The following ACSS3 variants were observed in gnomAD, a reference collection of about 807,000 sequenced individuals.
ACSS3 encodes acyl-CoA synthetase short-chain family member 3, mitochondrial.
Under a neutral mutation model 84.2 loss-of-function variants are expected in ACSS3, and 64 were observed. The observed-to-expected ratio is 0.76, with a 90% CI of 0.62 to 0.94. ACSS3 has a LOEUF of 0.94. Ranked by LOEUF, ACSS3 falls within the 40% of genes least tolerant of loss-of-function variation. The probability of loss-of-function intolerance (pLI) is 0.00; values close to 1 mark genes in which losing one functional copy is unlikely to be tolerated. For synonymous variants in ACSS3, 317 were observed against 310.1 expected, an observed-to-expected ratio of 1.02 and a Z score of -0.23; for missense variants, 815 against 867.6, an observed-to-expected ratio of 0.94 and a Z score of 0.76.
intron 1 of ACSS3, among the ~76,000 whole-genome samples, chr12:81,088,801 A>G (rs1036394783): frequency 6.6e-6 from 1 of 151,962 alleles, no homozygotes; most frequent in African/African-American, 2.4e-5. Flanking sequence ...CTCCTCTGAA[A>G]CCGTTTAAAG....
chr12:81,167,723 T>C (rs1453148534), intron 7 of ACSS3, among the ~76,000 whole-genome samples: 4 of 152,180 alleles, frequency 2.6e-5, no homozygotes, highest in African/African-American at 9.6e-5. Flanking sequence ...TCCAACACTG[T>C]TGCACTGGGG....
chr12:81,179,999 G>A lies in ACSS3; in HGVS notation c.1250+5060G>A, dbSNP rs138244428. Reference sequence around the variant, plus strand: ...TGATCAAGCTAAATGCCCATCAGTGGTGGACTGGATAAAGAACATTTGGTA... The same window carrying A: ...TGATCAAGCTAAATGCCCATCAGTGATGGACTGGATAAAGAACATTTGGTA... On this transcript the variant is annotated intron_variant, in intron 8 of 15. Coordinates refer to ENST00000548058, the MANE Select transcript of ACSS3 (RefSeq NM_024560.4). Among the ~76,000 whole-genome samples the A allele has an allele frequency of 5.1e-3, 774 of 152,268 alleles. 10 individuals carry two copies. Among genetic ancestry groups the A allele is most frequent in the African/African-American group, 0.015 (608 of 41,548 alleles).
chr12:81,227,424 A>C (rs939482859), intron 11 of ACSS3, among the ~76,000 whole-genome samples: 2 of 124,490 alleles, frequency 1.6e-5, no homozygotes, highest in African/African-American at 3.0e-5. Flanking sequence ...CACACACACA[A>C]GTGTTGATTA....
rs1388733288 is a variant in ACSS3 at position 81,199,827 on chromosome 12, G to C, written c.1354+383G>C. The C allele has an allele frequency of 1.4e-5, 7 of 487,762 alleles. No individual in the cohort carries two copies. In the East Asian group the frequency reaches 2.1e-4, roughly 14 times the overall value. The allele number at this position is 487,762 out of a possible 1,614,324, so 30.2% of individuals were successfully genotyped here. A position where few individuals can be genotyped will look rare whatever the true frequency, so the allele number is the denominator to read the frequency against. ...GCATTATCCTCTGTCCTGATTTAAAGTTTCCTAATCACTCATCTCTATTCT... is the reference window on the plus strand; with the variant it reads ...GCATTATCCTCTGTCCTGATTTAAACTTTCCTAATCACTCATCTCTATTCT... On this transcript the variant is annotated intron_variant, in intron 9 of 15. Transcript: ENST00000548058.
intron 13 of ACSS3, among the ~76,000 whole-genome samples, chr12:81,246,394 C>T (rs1057129959): frequency 2.0e-5 from 3 of 152,172 alleles, no homozygotes; most frequent in Admixed American, 6.5e-5. Flanking sequence ...TGACCAGACA[C>T]AGCAGGCTCT....
chr12:81,220,014 TATG>T lies in ACSS3; in HGVS notation c.1455_1457del (p.Met485del). The T allele has an allele frequency of 6.5e-7, 1 of 1,527,944 alleles. No homozygotes were observed. Among genetic ancestry groups the T allele is most frequent in the Non-Finnish European group, 8.8e-7 (1 of 1,135,756 alleles). The allele number at this position is 1,527,944 out of a possible 1,614,324, so 94.6% of individuals were successfully genotyped here. On this transcript the variant is annotated inframe_deletion and splice_region_variant, in exon 11 of 16. Coordinates refer to ENST00000548058, the MANE Select transcript of ACSS3 (RefSeq NM_024560.4). ...AAATATTTATATTTTACTTTGTAGT[TATG>T]ATTTTGGATGACAACATGCAAAAAC...
chr12:81,110,329 C>T (rs1404208484), intron 2 of ACSS3, among the ~76,000 whole-genome samples: 1 of 152,104 alleles, frequency 6.6e-6, no homozygotes, highest in Admixed American at 6.6e-5. Flanking sequence ...GCCTTTGTAG[C>T]TCTTTGAACA....
At chr12:81,151,957 A>G (rs755844009) in intron 6 of ACSS3, 33 bp downstream of exon 6, 27 of 1,612,786 alleles carry the variant, frequency 1.7e-5, no homozygotes, top group Non-Finnish European at 2.1e-5. Context: ...ATTACATGAC[A>G]TTCTCTGAAT....
intron 1 of ACSS3, among the ~76,000 whole-genome samples, chr12:81,106,949 T>C (rs1338899036): frequency 6.6e-6 from 1 of 151,894 alleles, no homozygotes; most frequent in Admixed American, 6.6e-5. Context: ...TTCCTTGAAA[T>C]TTAGAAAACA....
In ACSS3 at chr12:81,158,698, C is replaced by A. The variant is rs1887004013; in HGVS notation, c.1098+6602C>A. Reference sequence around the variant, plus strand: ...CTTATGCTCATTCCTGTCCCAGGAACATTGCCTGAAATATATGCTACTTGT... The same window carrying A: ...CTTATGCTCATTCCTGTCCCAGGAAAATTGCCTGAAATATATGCTACTTGT... On this transcript the variant is annotated intron_variant, in intron 7 of 15. Transcript: ENST00000548058. 1.3e-5 allele frequency among the ~76,000 whole-genome samples: 2 copies of A among 152,142 alleles called. 1 individual carries two copies. The highest frequency in any genetic ancestry group is 4.1e-4 in the South Asian group (2 of 4,826).
At chr12:81,213,821 CTCTTCTCTTCTCTT>C (rs1271723066) in intron 9 of ACSS3, among the ~76,000 whole-genome samples, 6 of 73,214 alleles carry the variant, frequency 8.2e-5, no homozygotes, top group Admixed American at 4.4e-4. Flanking sequence ...CTCTTCTCTT[CTCTTCTCTTCTCTT>C]CTCTTCTCTC....
intron 7 of ACSS3, among the ~76,000 whole-genome samples, chr12:81,164,009 G>C (rs757503508): frequency 1.8e-4 from 28 of 152,238 alleles, no homozygotes; most frequent in Non-Finnish European, 3.4e-4. Context: ...TAAGTGTGCA[G>C]TGTTTATACA....
At chr12:81,086,513 A>T (rs1881323775) in intron 1 of ACSS3, among the ~76,000 whole-genome samples, 1 of 152,200 alleles carries the variant, frequency 6.6e-6, no homozygotes, top group Non-Finnish European at 1.5e-5. Context: ...GCAATTACAT[A>T]AGCAAGGATG....
At chr12:81,183,533 A>G (rs1289132809) in intron 8 of ACSS3, among the ~76,000 whole-genome samples, 1 of 152,104 alleles carries the variant, frequency 6.6e-6, no homozygotes, top group Non-Finnish European at 1.5e-5. Context: ...TGAATGGATT[A>G]AACAAGATTC....
intron 13 of ACSS3, among the ~76,000 whole-genome samples, chr12:81,238,384 C>T (rs2033694209): frequency 1.3e-5 from 2 of 151,610 alleles, no homozygotes; most frequent in Non-Finnish European, 2.9e-5. Context: ...GAAAATATTC[C>T]CATGACTTCT....
At chr12:81,151,131 C>G in intron 5 of ACSS3, among the ~76,000 whole-genome samples, 1 of 152,106 alleles carries the variant, frequency 6.6e-6, no homozygotes, top group Non-Finnish European at 1.5e-5. Context: ...ATTAATCTTT[C>G]ATTTAGGTTG....
chr12:81,155,025 A>C (rs899776000), intron 7 of ACSS3, among the ~76,000 whole-genome samples: 1 of 152,130 alleles, frequency 6.6e-6, no homozygotes, highest in Non-Finnish European at 1.5e-5. Flanking sequence ...TTTCGAGCAT[A>C]TGTCTGTCAC....
At chr12:81,148,478 C>T (rs1317696974) in intron 5 of ACSS3, among the ~76,000 whole-genome samples, 1 of 152,134 alleles carries the variant, frequency 6.6e-6, no homozygotes, top group African/African-American at 2.4e-5. Flanking sequence ...TTTACTTGCA[C>T]TGATTGGATT....
At chr12:81,242,401 G>T (rs1306823082) in intron 13 of ACSS3, among the ~76,000 whole-genome samples, 1 of 151,358 alleles carries the variant, frequency 6.6e-6, no homozygotes, top group Admixed American at 6.6e-5. Flanking sequence ...AGGACCAGAT[G>T]GATTCACAGC....
Sources: gnomAD v4.1 joint callset for allele counts (sites outside exome capture counted in the v4.1 genomes callset) on GRCh38, gnomAD v4.1.1 for gene constraint, MANE v1.5 for transcripts, NCBI Gene and HGNC (gene_info 2026-07-23, HGNC 2026-07-21) for gene names.